The following NPSR1 variants were observed in gnomAD, a reference collection of about 807,000 sequenced individuals.
NPSR1 encodes the protein neuropeptide S receptor.
A neutral mutation model predicts 46.9 loss-of-function variants in NPSR1; 48 were observed. The ratio of observed to expected loss-of-function variants is 1.02; its 90% confidence interval spans 0.81 to 1.30. NPSR1 has a LOEUF of 1.30. Among genes scored for constraint, NPSR1 ranks in the 50% most tolerant of loss-of-function variants. NPSR1 has a pLI of 0.00. For missense variants in NPSR1, 450 were observed against 449.5 expected, an observed-to-expected ratio of 1.00 and a Z score of -0.01; for synonymous variants, 176 against 168.1, an observed-to-expected ratio of 1.05 and a Z score of -0.36.
At chr7:34,736,744 T>C (rs1428146412) in intron 2 of NPSR1, among the ~76,000 whole-genome samples, 2 of 151,936 alleles carry the variant, frequency 1.3e-5, no homozygotes, top group African/African-American at 4.8e-5. Context: ...AGGACTATGG[T>C]CATGCAGTAC....
At chr7:34,871,977 C>T (rs1373068695) in intron 8 of NPSR1, among the ~76,000 whole-genome samples, 2 of 151,836 alleles carry the variant, frequency 1.3e-5, no homozygotes, top group South Asian at 2.1e-4. Flanking sequence ...AGGCAGTGTC[C>T]CAGTGGGGAC....
rs1201658471 is a variant in NPSR1 at position 34,876,459 on chromosome 7, C to A, written c.1026-1617C>A. On this transcript the variant is annotated intron_variant, in intron 8 of 8. Transcript: ENST00000359791. Reference sequence around the variant, plus strand: ...GACACATAAACTGTGAATTCTAATTCAGAAAGAACTAAAAATTGCTTCCTT... The same window carrying A: ...GACACATAAACTGTGAATTCTAATTAAGAAAGAACTAAAAATTGCTTCCTT... Among the ~76,000 whole-genome samples the A allele has an allele frequency of 3.9e-5, 6 of 152,112 alleles. No individual in the cohort carries two copies. In the South Asian group the frequency reaches 6.2e-4, roughly 16 times the overall value.
intron 2 of NPSR1, among the ~76,000 whole-genome samples, chr7:34,694,698 T>G (rs918227559): frequency 6.6e-6 from 1 of 152,196 alleles, no homozygotes; most frequent in Admixed American, 6.5e-5. Context: ...TAAAAGACCC[T>G]GAATAGCCAA....
At chr7:34,790,991 TATG>T (rs1431169058) in intron 3 of NPSR1, among the ~76,000 whole-genome samples, 1 of 120,172 alleles carries the variant, frequency 8.3e-6, no homozygotes, top group African/African-American at 3.5e-5. Flanking sequence ...TTATATTATA[TATG>T]TTATATGTTA....
At chr7:34,793,208 A>G (rs1788021398) in intron 3 of NPSR1, among the ~76,000 whole-genome samples, 1 of 151,986 alleles carries the variant, frequency 6.6e-6, no homozygotes, top group Non-Finnish European at 1.5e-5. Context: ...TACAAATGGG[A>G]TTGCAGGAAA....
At chr7:34,701,772 A>C (rs886849919) in intron 2 of NPSR1, among the ~76,000 whole-genome samples, 1 of 152,212 alleles carries the variant, frequency 6.6e-6, no homozygotes, top group Non-Finnish European at 1.5e-5. Flanking sequence ...ACTAATAGGC[A>C]TTGTCAGGTA....
At chr7:34,698,411 G>A (rs2128694190) in intron 2 of NPSR1, among the ~76,000 whole-genome samples, 1 of 152,236 alleles carries the variant, frequency 6.6e-6, no homozygotes, top group East Asian at 1.9e-4. Flanking sequence ...AGCAGGCAAT[G>A]AATGTAAACA....
At chr7:34,751,536 G>A (rs906213202) in intron 2 of NPSR1, 53 of 1,572,712 alleles carry the variant, frequency 3.4e-5, no homozygotes, top group Admixed American at 5.0e-5. Flanking sequence ...TAGTGGTCTC[G>A]AAACTTGTAT....
intron 4 of NPSR1, among the ~76,000 whole-genome samples, chr7:34,825,757 C>T (rs2128755468): frequency 6.6e-6 from 1 of 152,242 alleles, no homozygotes; most frequent in South Asian, 2.1e-4. Context: ...AGCACAAAGC[C>T]CTCTGATGAC....
intron 2 of NPSR1, among the ~76,000 whole-genome samples, chr7:34,747,818 T>G (rs960019919): frequency 2.6e-5 from 4 of 152,202 alleles, no homozygotes; most frequent in Admixed American, 6.5e-5. Context: ...CAAATCTTAT[T>G]TTTATTATAC....
At chr7:34,785,324 T>C (rs1334288092) in intron 3 of NPSR1, among the ~76,000 whole-genome samples, 2 of 136,618 alleles carry the variant, frequency 1.5e-5, no homozygotes, top group African/African-American at 2.8e-5. Context: ...AGATGGGAAC[T>C]GAACAATGAG....
chr7:34,810,646 C>T (rs960431285), intron 3 of NPSR1, among the ~76,000 whole-genome samples: 1 of 152,204 alleles, frequency 6.6e-6, no homozygotes, highest in Non-Finnish European at 1.5e-5. Flanking sequence ...AGCAAATGAA[C>T]TTTTGTTTCT....
intron 1 of NPSR1, among the ~76,000 whole-genome samples, chr7:34,667,786 C>T (rs946168785): frequency 8.5e-5 from 13 of 152,092 alleles, no homozygotes; most frequent in Non-Finnish European, 1.6e-4. Context: ...CTCATCCTTA[C>T]CAGGGCATTC....
At chr7:34,692,396 G>A (rs888785121) in intron 2 of NPSR1, among the ~76,000 whole-genome samples, 3 of 151,978 alleles carry the variant, frequency 2.0e-5, no homozygotes, top group South Asian at 2.1e-4. Flanking sequence ...AAACCAACGG[G>A]CACCTTCAAA....
chr7:34,821,617 A>G (rs946529104), intron 4 of NPSR1, among the ~76,000 whole-genome samples: 1 of 152,184 alleles, frequency 6.6e-6, no homozygotes, highest in African/African-American at 2.4e-5. Flanking sequence ...CTTGAGACCC[A>G]TAGCCAGAGG....
intron 1 of NPSR1, among the ~76,000 whole-genome samples, chr7:34,683,886 T>C (rs1792787105): frequency 6.6e-6 from 1 of 152,196 alleles, no homozygotes; most frequent in Non-Finnish European, 1.5e-5. Flanking sequence ...GAGGACACAT[T>C]CAAACCACAG....
At chr7:34,788,691 AAAT>A (rs1787581500) in intron 3 of NPSR1, among the ~76,000 whole-genome samples, 1 of 152,126 alleles carries the variant, frequency 6.6e-6, no homozygotes, top group Non-Finnish European at 1.5e-5. Flanking sequence ...CTGAAGAGAG[AAAT>A]AGACTGCAAT....
intron 2 of NPSR1, among the ~76,000 whole-genome samples, chr7:34,727,187 G>T (rs1397854256): frequency 2.0e-5 from 3 of 152,004 alleles, no homozygotes; most frequent in Non-Finnish European, 4.4e-5. Flanking sequence ...TGAAAAATAA[G>T]GTGTTTTTTT....
At chr7:34,804,645 A>T (rs993216590) in intron 3 of NPSR1, among the ~76,000 whole-genome samples, 4 of 150,010 alleles carry the variant, frequency 2.7e-5, no homozygotes, top group Admixed American at 1.3e-4. Context: ...CGCCACTCCC[A>T]TTCAACACTG....
Sources: allele counts gnomAD v4.1 joint callset (sites outside exome capture counted in the v4.1 genomes callset), GRCh38; gene constraint gnomAD v4.1.1; transcripts MANE v1.5; gene names NCBI Gene and HGNC (gene_info 2026-07-23, HGNC 2026-07-21).